Variants in PLEKHA4 observed in about 807,000 individuals in gnomAD.
PLEKHA4 encodes the protein pleckstrin homology domain containing A4, also known as pleckstrin homology domain-containing family A member 4.
A neutral mutation model predicts 94.7 loss-of-function variants in PLEKHA4; 73 were observed. The observed-to-expected ratio is 0.77, with a 90% CI of 0.64 to 0.94. The LOEUF (loss-of-function observed/expected upper bound fraction) is 0.94, where lower values mean the gene tolerates loss of function less well. PLEKHA4 is among the 40% of genes least tolerant of loss of function. PLEKHA4 has a pLI of 0.00. For missense variants in PLEKHA4, 1,049 were observed against 1,054.1 expected, an observed-to-expected ratio of 1.00 and a Z score of 0.07; for synonymous variants, 449 against 437.1, an observed-to-expected ratio of 1.03 and a Z score of -0.34.
rs200542935 is a variant in PLEKHA4, at chr19:48,859,483, C to T, written c.678G>A (p.Arg226=). Residue 226 remains arginine, a synonymous_variant, in exon 7 of 20, where the codon AGG becomes AGA. Coordinates refer to ENST00000263265, the MANE Select transcript of PLEKHA4 (RefSeq NM_020904.3). ...TDLHSGLQMR[R]ARSPDLFTPL... ...TCCCTACTCACTCGGGGCTCCTCGC[C>T]CTCCGCATCTGGAGTCCAGAGTGGA... 7.8e-5 allele frequency: 126 copies of T among 1,613,856 alleles called. 1 individual carries two copies. The Middle Eastern group carries it at 8.3e-4, about 11-fold the overall frequency.
chr19:48,846,651 C>T (rs1369092899), intron 14 of PLEKHA4, among the ~76,000 whole-genome samples: 1 of 152,128 alleles, frequency 6.6e-6, no homozygotes, highest in Non-Finnish European at 1.5e-5. Flanking sequence ...ACCTGTAGTC[C>T]TAGCTACTTG....
rs2035557019 is a variant in PLEKHA4 at position 48,837,181 on chromosome 19, G to T, written c.*108C>A. ...TAGAAACCATTCCCCTCCCGGGCCC[G>T]CAATGGGGACCAGACCACGCCCCCT... On this transcript the variant is annotated 3_prime_UTR_variant, in exon 20 of 20. Coordinates refer to ENST00000263265, the MANE Select transcript of PLEKHA4 (RefSeq NM_020904.3). This position sits in a 1 kb window ranked among gnomAD's most constrained non-coding sequence, Gnocchi z 4.3. 9 of 1,508,124 alleles carry T rather than the reference G, an allele frequency of 6.0e-6. No individual in the cohort carries two copies. The South Asian group carries it at 1.0e-4, about 17-fold the overall frequency. The allele number at this position is 1,508,124 out of a possible 1,614,324, so 93.4% of individuals were successfully genotyped here. A position where few individuals can be genotyped will look rare whatever the true frequency, so the allele number is the denominator to read the frequency against.
chr19:48,849,418 C>G (rs1366639285), intron 13 of PLEKHA4, among the ~76,000 whole-genome samples: 1 of 151,528 alleles, frequency 6.6e-6, no homozygotes, highest in Non-Finnish European at 1.5e-5. Context: ...AAGCGATTCT[C>G]CTGCCTCAGC....
rs1168602967 is a variant in PLEKHA4, at chr19:48,865,590, G to A, written c.105C>T (p.Asn35=). Reference sequence around the variant, plus strand: ...CTCTCTTCCCAAAGGCGTGGATCTTGTTTACTGCCCGGGTGGGCTTCTGAG... The same window carrying A: ...CTCTCTTCCCAAAGGCGTGGATCTTATTTACTGCCCGGGTGGGCTTCTGAG... The part of the protein sequence containing the change: ...LSPKKPTRAV[N]KIHAFGKRGN... The change falls in exon 3 of 20, where the codon AAC becomes AAT. Residue 35 remains asparagine, a synonymous_variant. Coordinates refer to ENST00000263265, the MANE Select transcript of PLEKHA4 (RefSeq NM_020904.3). 3.1e-6 allele frequency: 5 copies of A among 1,613,748 alleles called. No homozygotes were observed. Among genetic ancestry groups the A allele is most frequent in the Non-Finnish European group, 4.2e-6 (5 of 1,179,838 alleles).
In PLEKHA4 at chr19:48,837,609, C is replaced by G; in HGVS notation, c.2078-58G>C. On this transcript the variant is annotated intron_variant, in intron 19 of 19. Coordinates refer to ENST00000263265, the MANE Select transcript of PLEKHA4 (RefSeq NM_020904.3). This position sits in a 1 kb window ranked among gnomAD's most constrained non-coding sequence, Gnocchi z 4.3. ...AACCTCAGCGCTAGGACCCCGGATT[C>G]CCAGCCCCTCCTCCCTCAGACCCAG... The G allele has an allele frequency of 6.3e-7, 1 of 1,585,382 alleles. No homozygotes were observed. Among genetic ancestry groups the G allele is most frequent in the Non-Finnish European group, 8.6e-7 (1 of 1,162,692 alleles).
intron 2 of PLEKHA4, among the ~76,000 whole-genome samples, chr19:48,865,989 G>A (rs769701521): frequency 2.4e-4 from 36 of 151,478 alleles, no homozygotes; most frequent in Non-Finnish European, 4.3e-4. Flanking sequence ...ACTCCAGCCC[G>A]GGAGACAGAG....
At chr19:48,845,675 A>G (rs2035943524) in intron 14 of PLEKHA4, 59 bp from the exon 15 acceptor site, 1 of 1,324,596 alleles carries the variant, frequency 7.5e-7, no homozygotes, top group Non-Finnish European at 1.0e-6. Context: ...TATTATTACC[A>G]TGTTGCAAGC....
intron 12 of PLEKHA4, among the ~76,000 whole-genome samples, chr19:48,853,168 T>G (rs943604970): frequency 2.1e-5 from 3 of 145,878 alleles, no homozygotes; most frequent in Middle Eastern, 3.4e-3. Context: ...GTACCTTAAG[T>G]GTTAAATATT....
At chr19:48,856,311 C>A (rs917590474) in intron 9 of PLEKHA4, among the ~76,000 whole-genome samples, 1 of 151,702 alleles carries the variant, frequency 6.6e-6, no homozygotes, top group East Asian at 2.0e-4. Flanking sequence ...AGGCCAGTCG[C>A]GGTGGCTCAC....
chr19:48,840,095 G>A (rs1249761632), intron 17 of PLEKHA4, among the ~76,000 whole-genome samples: 5 of 151,728 alleles, frequency 3.3e-5, no homozygotes, highest in Admixed American at 2.0e-4. Flanking sequence ...GCAACAAAGG[G>A]AGACTCTGTC....
In PLEKHA4 at chr19:48,867,612, C is replaced by G. The variant is rs1242631124; in HGVS notation, c.9G>C (p.Gly3=). ME[G]SRPRSSLSLA... ...GGCTCAGGCTGCTGCGAGGTCGGCT[C>G]CCCTCCATCAAGGGCTGGGGGAGAG... Residue 3 remains glycine (G), a synonymous_variant, in exon 2 of 20, where the codon GGG becomes GGC. Coordinates refer to ENST00000263265, the MANE Select transcript of PLEKHA4 (RefSeq NM_020904.3). This position sits in a 1 kb window ranked among gnomAD's most constrained non-coding sequence, Gnocchi z 4.7. The G allele has an allele frequency of 1.3e-6, 2 of 1,595,434 alleles. No homozygotes were observed. The highest frequency in any genetic ancestry group is 2.3e-5 in the East Asian group (1 of 44,290).
At chr19:48,866,729 G>A (rs1402103285) in intron 2 of PLEKHA4, among the ~76,000 whole-genome samples, 1 of 152,208 alleles carries the variant, frequency 6.6e-6, no homozygotes, top group Non-Finnish European at 1.5e-5. Flanking sequence ...CAGAGCCAGA[G>A]CTGTAGTAGG....
intron 13 of PLEKHA4, 135 bp downstream of exon 13, chr19:48,852,093 T>C (rs921247431): frequency 2.8e-5 from 18 of 651,502 alleles, no homozygotes; most frequent in Non-Finnish European, 1.6e-5. Flanking sequence ...GGGCTTAGAT[T>C]GAAAGGACAG....
chr19:48,854,679 A>C, intron 9 of PLEKHA4, among the ~76,000 whole-genome samples: 1 of 144,734 alleles, frequency 6.9e-6, no homozygotes, highest in South Asian at 2.2e-4. Flanking sequence ...GGCATGCACC[A>C]TCATATCATG....
chr19:48,840,278 A>G (rs555431047), intron 17 of PLEKHA4, among the ~76,000 whole-genome samples: 1 of 152,006 alleles, frequency 6.6e-6, no homozygotes, highest in East Asian at 1.9e-4. Context: ...GGCTGGATGT[A>G]GTGGCATATC....
rs181908614 is a variant in PLEKHA4, at chr19:48,857,358, T to C, written c.1047+64A>G. ...GGCACCCTAGGCCAAGAGATGACATTCCTCATAGAGAAGAAAGGAAGGGAG... is the reference window on the plus strand; with the variant it reads ...GGCACCCTAGGCCAAGAGATGACATCCCTCATAGAGAAGAAAGGAAGGGAG... On this transcript the variant is annotated intron_variant, in intron 9 of 19. Coordinates refer to ENST00000263265, the MANE Select transcript of PLEKHA4 (RefSeq NM_020904.3). The C allele has an allele frequency of 1.5e-3, 1,040 of 703,742 alleles. 6 individuals carry two copies. The African/African-American group carries it at 0.017, about 11-fold the overall frequency. 43.6% of individuals were successfully genotyped at this position (703,742 alleles called of 1,614,324 possible). A position where few individuals can be genotyped will look rare whatever the true frequency, so the allele number is the denominator to read the frequency against.
intron 12 of PLEKHA4, 28 bp from the exon 13 acceptor site, chr19:48,852,354 G>T: frequency 6.5e-7 from 1 of 1,549,960 alleles, no homozygotes; most frequent in Non-Finnish European, 8.9e-7. Context: ...GGGAGACATA[G>T]GTTAGGTCCC....
At chr19:48,864,837 C>T (rs2036775670) in intron 3 of PLEKHA4, among the ~76,000 whole-genome samples, 2 of 152,200 alleles carry the variant, frequency 1.3e-5, no homozygotes, top group Admixed American at 1.3e-4. Context: ...TCCCAAAATG[C>T]TGGGGTTACA....
At chr19:48,858,806 A>G in intron 8 of PLEKHA4, 54 bp downstream of exon 8, 1 of 1,598,066 alleles carries the variant, frequency 6.3e-7, no homozygotes, top group Admixed American at 1.7e-5. Flanking sequence ...ACGGAAAGAC[A>G]GCCCTGAGGC....
Sources: gnomAD v4.1 joint callset for allele counts (sites outside exome capture counted in the v4.1 genomes callset) on GRCh38, gnomAD v4.1.1 for gene constraint, Gnocchi (gnomAD v3.1) non-coding constraint, MANE v1.5 for transcripts, NCBI Gene and HGNC (gene_info 2026-07-23, HGNC 2026-07-21) for gene names.